Variants in DCDC1 observed in about 807,000 individuals in gnomAD.
DCDC1 encodes doublecortin domain-containing protein 1.
DCDC1 carries 200 observed loss-of-function variants against 178.3 expected under a neutral mutation model. The observed-to-expected ratio is 1.12, with a 90% CI of 1.00 to 1.26. The LOEUF (loss-of-function observed/expected upper bound fraction) is 1.26. DCDC1 is among the 50% of genes most tolerant of loss of function. DCDC1 has a pLI of 0.00. For missense variants in DCDC1, 1,983 were observed against 1,749.2 expected (o/e 1.13, Z -2.38); for synonymous variants, 690 against 604.8 (o/e 1.14, Z -2.07).
intron 6 of DCDC1, among the ~76,000 whole-genome samples, chr11:31,294,430 A>G (rs938698619): frequency 2.0e-5 from 3 of 150,994 alleles, no homozygotes; most frequent in African/African-American, 7.3e-5. Context: ...AAAAATACAA[A>G]AAACTAGCCA....
At chr11:30,926,484 G>A (rs1289424742) in intron 22 of DCDC1, among the ~76,000 whole-genome samples, 1 of 152,150 alleles carries the variant, frequency 6.6e-6, no homozygotes, top group Non-Finnish European at 1.5e-5. Flanking sequence ...AGAGGCTGGA[G>A]CCTAGACAGC....
chr11:31,137,904 CG>C, intron 9 of DCDC1, 120 bp from the exon 10 acceptor site: 1 of 556,614 alleles, frequency 1.8e-6, no homozygotes, highest in Non-Finnish European at 3.2e-6. Flanking sequence ...TTTGATGATA[CG>C]TACATGAAAA....
chr11:30,962,768 T>C (rs887021913), intron 20 of DCDC1, among the ~76,000 whole-genome samples: 4 of 152,102 alleles, frequency 2.6e-5, no homozygotes, highest in African/African-American at 9.7e-5. Flanking sequence ...TTTGTTTTTC[T>C]AGTTGGTTGA....
At chr11:31,070,747 T>C (rs1232227897) in intron 18 of DCDC1, among the ~76,000 whole-genome samples, 1 of 152,104 alleles carries the variant, frequency 6.6e-6, no homozygotes. Flanking sequence ...ATTTATGAGA[T>C]TTTTTCCCAT....
chr11:31,016,411 A>G (rs1279543513), intron 20 of DCDC1, among the ~76,000 whole-genome samples: 2 of 152,204 alleles, frequency 1.3e-5, no homozygotes, highest in East Asian at 3.8e-4. Context: ...AATGTCACTG[A>G]AGTTTAATGT....
chr11:31,211,370 G>A lies in DCDC1; in HGVS notation c.1221+30080C>T, dbSNP rs1972511920. Among the ~76,000 whole-genome samples, 4 of 152,128 alleles carry A rather than the reference G, an allele frequency of 2.6e-5. No homozygotes were observed. In the South Asian group the frequency reaches 8.3e-4, roughly 32 times the overall value. On this transcript the variant is annotated intron_variant, in intron 9 of 38. Transcript: ENST00000684477. ...GAAACAAGTATTTGTATACACAATT[G>A]CACAACTGCATCCTCAAAATGCGTG...
At chr11:30,912,680 C>T (rs1402203701) in intron 27 of DCDC1, among the ~76,000 whole-genome samples, 1 of 152,172 alleles carries the variant, frequency 6.6e-6, no homozygotes, top group Non-Finnish European at 1.5e-5. Flanking sequence ...AACTGCTCTG[C>T]AATTCAGTGG....
intron 20 of DCDC1, among the ~76,000 whole-genome samples, chr11:31,048,047 G>A (rs1160141054): frequency 2.6e-5 from 4 of 152,010 alleles, no homozygotes; most frequent in African/African-American, 7.2e-5. Flanking sequence ...TCATTTAAAC[G>A]TCACAATAAT....
In DCDC1 at chr11:31,007,671, T is replaced by C. The variant is rs184411832; in HGVS notation, c.2592-55103A>G. Among the ~76,000 whole-genome samples the C allele has an allele frequency of 1.5e-3, 227 of 152,036 alleles. 1 individual carries two copies. The highest frequency in any genetic ancestry group is 5.0e-3 in the African/African-American group (208 of 41,472). On this transcript the variant is annotated intron_variant, in intron 20 of 38. Coordinates refer to ENST00000684477, the MANE Select transcript of DCDC1 (RefSeq NM_001387274.1). ...TTTAGGAGAAAATAGGCTTTTTTTT[T>C]CTTTTTTTTTGAGACGGAGTCTCAC...
intron 30 of DCDC1, among the ~76,000 whole-genome samples, chr11:30,905,386 G>C (rs1273787263): frequency 6.6e-6 from 1 of 152,118 alleles, no homozygotes; most frequent in Non-Finnish European, 1.5e-5. Context: ...GTGACTTTGG[G>C]CATCTGGCTT....
chr11:31,007,676 T>A (rs1951929560), intron 20 of DCDC1, among the ~76,000 whole-genome samples: 1 of 152,138 alleles, frequency 6.6e-6, no homozygotes, highest in Non-Finnish European at 1.5e-5. Flanking sequence ...TTTTTTCTTT[T>A]TTTTTGAGAC....
rs146171178 is a variant in DCDC1, at chr11:31,053,685, T to G, written c.2591+10784A>C. 2.0e-3 allele frequency among the ~76,000 whole-genome samples: 299 copies of G among 152,126 alleles called. 4 individuals carry two copies. The highest frequency in any genetic ancestry group is 6.5e-3 in the African/African-American group (272 of 41,530). On this transcript the variant is annotated intron_variant, in intron 20 of 38. Transcript: ENST00000684477. ...GTTTAACATACACAAGTCAATAAAT[T>G]TGATACACCACATAAACAGAATTAA...
At chr11:30,954,319 TACA>T (rs1948640776) in intron 20 of DCDC1, among the ~76,000 whole-genome samples, 1 of 152,074 alleles carries the variant, frequency 6.6e-6, no homozygotes, top group Admixed American at 6.6e-5. Context: ...CCAGCCTAAA[TACA>T]ACAATTCTAA....
At chr11:31,203,658 C>T (rs934088239) in intron 9 of DCDC1, among the ~76,000 whole-genome samples, 3 of 152,056 alleles carry the variant, frequency 2.0e-5, no homozygotes, top group African/African-American at 7.2e-5. Flanking sequence ...TGTCTCCTTC[C>T]ACAAAAGATA....
chr11:31,185,177 C>A (rs1296510052), intron 9 of DCDC1, among the ~76,000 whole-genome samples: 2 of 152,164 alleles, frequency 1.3e-5, no homozygotes, highest in East Asian at 3.9e-4. Context: ...TCAAACACTG[C>A]GTGTTCTCAC....
chr11:31,158,303 G>A (rs534433099), intron 9 of DCDC1, among the ~76,000 whole-genome samples: 2 of 150,920 alleles, frequency 1.3e-5, no homozygotes, highest in South Asian at 4.2e-4. Context: ...TTTTTTAGTA[G>A]AGACGGGGTT....
At chr11:31,358,205 A>G (rs1470203885) in intron 1 of DCDC1, among the ~76,000 whole-genome samples, 2 of 152,048 alleles carry the variant, frequency 1.3e-5, no homozygotes, top group African/African-American at 4.8e-5. Flanking sequence ...AGGCTACAGT[A>G]ACCAAAACAG....
chr11:30,925,163 C>A (rs57282960), intron 23 of DCDC1, 146 bp downstream of exon 23: 1 of 689,522 alleles, frequency 1.5e-6, no homozygotes, highest in Non-Finnish European at 2.4e-6. Flanking sequence ...GTTAGTATTA[C>A]TTTCTGATGT....
intron 20 of DCDC1, among the ~76,000 whole-genome samples, chr11:30,995,242 A>G (rs1951196108): frequency 6.6e-6 from 1 of 152,158 alleles, no homozygotes; most frequent in African/African-American, 2.4e-5. Context: ...AACTACAAAC[A>G]CTGATTTAAA....
Sources: allele counts gnomAD v4.1 joint callset (sites outside exome capture counted in the v4.1 genomes callset), GRCh38; gene constraint gnomAD v4.1.1; transcripts MANE v1.5; gene names NCBI Gene and HGNC (gene_info 2026-07-23, HGNC 2026-07-21).